Variants in ATF3 observed in about 807,000 individuals in gnomAD.
The protein encoded by ATF3 is cyclic AMP-dependent transcription factor ATF-3.
A neutral mutation model predicts 18.4 loss-of-function variants in ATF3; 10 were observed. The ratio of observed to expected loss-of-function variants is 0.54; its 90% CI spans 0.34 to 0.92. The LOEUF (loss-of-function observed/expected upper bound fraction) is 0.92, where lower values mean the gene tolerates loss of function less well. Among genes scored for constraint, ATF3 ranks in the 40% least tolerant of loss-of-function variants. ATF3 has a pLI of 0.02. For missense variants in ATF3, 183 were observed against 222.3 expected, an observed-to-expected ratio of 0.82 and a Z score of 1.12; for synonymous variants, 78 against 87.9, an observed-to-expected ratio of 0.89 and a Z score of 0.63.
rs758836964 is a variant in ATF3, at chr1:212,619,323, C to T, written c.349-35C>T. On this transcript the variant is annotated intron_variant, in intron 3 of 3. Coordinates refer to ENST00000341491, the MANE Select transcript of ATF3 (RefSeq NM_001674.4). This position sits in a 1 kb window ranked among gnomAD's most constrained non-coding sequence, Gnocchi z 4.4. ...CCACCCCCTCCTCACTGGCCCTTGG[C>T]TCCTTTCTTGATGCCTCTGTTGCTT... 6.2e-7 allele frequency: 1 copy of T among 1,612,496 alleles called. No individual in the cohort carries two copies. The highest frequency in any genetic ancestry group is 1.1e-5 in the South Asian group (1 of 90,870).
At chr1:212,610,584 A>T (rs1049572023) in intron 1 of ATF3, among the ~76,000 whole-genome samples, 1 of 152,202 alleles carries the variant, frequency 6.6e-6, no homozygotes, top group African/African-American at 2.4e-5. Flanking sequence ...TACAGCACCC[A>T]GCATCTGTGG....
rs948925946 is a variant in ATF3, at chr1:212,618,082, G to A, written c.241-45G>A. 6.3e-7 allele frequency: 1 copy of A among 1,590,822 alleles called. No individual in the cohort carries two copies. The highest frequency in any genetic ancestry group is 8.6e-7 in the Non-Finnish European group (1 of 1,159,594). On this transcript the variant is annotated intron_variant, in intron 2 of 3. Transcript: ENST00000341491. The surrounding 1 kb of genome is among the most constrained non-coding windows in gnomAD (Gnocchi z 4.4). ...AAAGGCAGTGTATTTGAGGTAGGTG[G>A]CATTTCTTACTGCCCTTTAAATGTG...
intron 1 of ATF3, among the ~76,000 whole-genome samples, chr1:212,568,753 G>A (rs1664427742): frequency 6.6e-6 from 1 of 152,118 alleles, no homozygotes; most frequent in Non-Finnish European, 1.5e-5. Context: ...ATACAGGCTA[G>A]GGCATTTCTA....
chr1:212,613,388 T>A (rs543289708), intron 1 of ATF3: 1 of 152,318 alleles, frequency 6.6e-6, no homozygotes, highest in South Asian at 2.1e-4. Flanking sequence ...ATTTGTTTGT[T>A]TTTTGCAATG....
chr1:212,617,979 A>T (rs1655204133), intron 2 of ATF3, 148 bp from the exon 3 acceptor site: 4 of 711,686 alleles, frequency 5.6e-6, no homozygotes, highest in Non-Finnish European at 9.7e-6. Flanking sequence ...GGGTTTTCAC[A>T]CAAAAGTCTA....
At chr1:212,574,444 A>G (rs1664538178) in intron 1 of ATF3, among the ~76,000 whole-genome samples, 1 of 152,018 alleles carries the variant, frequency 6.6e-6, no homozygotes, top group Non-Finnish European at 1.5e-5. Flanking sequence ...ATTTTGGTAT[A>G]TTCATCACAA....
chr1:212,615,526 C>T (rs1655085443), intron 2 of ATF3, among the ~76,000 whole-genome samples: 1 of 151,910 alleles, frequency 6.6e-6, no homozygotes, highest in Non-Finnish European at 1.5e-5. Context: ...AAAAACTTTT[C>T]AGGCCAGGCA....
chr1:212,571,123 T>C (rs926549231), intron 1 of ATF3, among the ~76,000 whole-genome samples: 10 of 152,202 alleles, frequency 6.6e-5, no homozygotes, highest in African/African-American at 2.2e-4. Context: ...TTTGTCCACA[T>C]TTGGTGTTGT....
In ATF3 at chr1:212,619,798, C is replaced by T. The variant is rs546216793; in HGVS notation, c.*243C>T. ...CAGGATTTAGGCCTTAACACACTGG[C>T]CATTCTTATGTTCCAGATGGCCCCC... is the stretch of plus-strand genomic sequence containing the variant. On this transcript the variant is annotated 3_prime_UTR_variant, in exon 4 of 4. Transcript: ENST00000341491. The surrounding 1 kb of genome is among the most constrained non-coding windows in gnomAD (Gnocchi z 4.4). The T allele has an allele frequency of 4.5e-6, 2 of 442,952 alleles. No individual in the cohort carries two copies. Among genetic ancestry groups the T allele is most frequent in the South Asian group, 2.2e-5 (1 of 45,514 alleles). 27.4% of individuals were successfully genotyped at this position (442,952 alleles called of 1,614,324 possible). A position where few individuals can be genotyped will look rare whatever the true frequency, so the allele number is the denominator to read the frequency against.
At chr1:212,572,626 G>A (rs1195036688) in intron 1 of ATF3, among the ~76,000 whole-genome samples, 1 of 152,212 alleles carries the variant, frequency 6.6e-6, no homozygotes, top group Non-Finnish European at 1.5e-5. Flanking sequence ...ATACTATTGA[G>A]ATTTTTATTG....
intron 1 of ATF3, among the ~76,000 whole-genome samples, chr1:212,600,884 A>G (rs1654464670): frequency 6.6e-6 from 1 of 152,106 alleles, no homozygotes; most frequent in Non-Finnish European, 1.5e-5. Flanking sequence ...ATACATATAT[A>G]TATAGTATAT....
intron 1 of ATF3, among the ~76,000 whole-genome samples, chr1:212,612,087 A>T (rs1025999679): frequency 6.6e-6 from 1 of 152,264 alleles, no homozygotes. Context: ...ACTAGAAAGT[A>T]TCCCGAGAAG....
chr1:212,612,718 C>T (rs1239868061), intron 1 of ATF3, among the ~76,000 whole-genome samples: 1 of 152,162 alleles, frequency 6.6e-6, no homozygotes, highest in Non-Finnish European at 1.5e-5. Context: ...TAGTCAAGGG[C>T]AGATTTCATT....
intron 1 of ATF3, among the ~76,000 whole-genome samples, chr1:212,588,032 G>A (rs1296213697): frequency 6.6e-6 from 1 of 152,122 alleles, no homozygotes; most frequent in Admixed American, 6.5e-5. Flanking sequence ...TGGGAGGTGA[G>A]TGAGAGGGAG....
At position 212,578,354 on chromosome 1, in the gene ATF3, T is replaced by G. The variant is rs555738861; in HGVS notation, c.-5+12871T>G. 2.0e-5 allele frequency among the ~76,000 whole-genome samples: 3 copies of G among 152,356 alleles called. No individual in the cohort carries two copies. The East Asian group carries it at 5.8e-4, about 29-fold the overall frequency. On this transcript the variant is annotated intron_variant, in intron 1 of 3. Coordinates refer to the ATF3 transcript ENST00000366981. ...TTATCCCTTTGTAGATAAATTCATT[T>G]AACTCTTTAATCTTTTTTAACTGAC...
Position 212,620,163 on chromosome 1 carries a change from C to T in ATF3, c.*608C>T, listed in dbSNP as rs1126526. On this transcript the variant is annotated 3_prime_UTR_variant, in exon 4 of 4. Transcript: ENST00000341491. ...TCTGGTTTCTAAGAGTTTTGGGGGGCGGGGCTGTCACCACGTGCAGTATCT... is the reference window on the plus strand; with the variant it reads ...TCTGGTTTCTAAGAGTTTTGGGGGGTGGGGCTGTCACCACGTGCAGTATCT... The T allele has an allele frequency of 0.15, 22,436 of 154,722 alleles. 1,861 individuals are homozygous for T. Among genetic ancestry groups the T allele is most frequent in the Non-Finnish European group, 0.18 (12,677 of 69,532 alleles). 9.6% of individuals were successfully genotyped at this position (154,722 alleles called of 1,614,324 possible).
At chr1:212,594,439 T>G (rs1299168295) in intron 1 of ATF3, among the ~76,000 whole-genome samples, 1 of 152,170 alleles carries the variant, frequency 6.6e-6, no homozygotes, top group East Asian at 1.9e-4. Context: ...ACCTAACAAT[T>G]TTCCAGAGTT....
In ATF3 at chr1:212,615,102, G is replaced by C. The variant is rs370091055; in HGVS notation, c.81G>C (p.Gly27=). The change falls in exon 2 of 4, where the codon GGG becomes GGC. Residue 27 remains glycine (G), a synonymous_variant. Transcript: ENST00000341491. The part of the protein sequence containing the change: ...SAIVPCLSPP[G]SLVFEDFANL... ...TCGTCCCCTGCCTGTCCCCTCCTGG[G>C]TCACTGGTGTTTGAGGATTTTGCTA... The C allele has an allele frequency of 1.7e-5, 27 of 1,614,072 alleles. No homozygotes were observed. The highest frequency in any genetic ancestry group is 2.2e-5 in the Non-Finnish European group (26 of 1,180,036).
intron 1 of ATF3, among the ~76,000 whole-genome samples, chr1:212,609,374 G>T (rs1406300037): frequency 1.4e-5 from 2 of 143,468 alleles, no homozygotes; most frequent in Non-Finnish European, 3.1e-5. Context: ...TCCTTCCCGG[G>T]TGGGGGGGGG....
Sources: allele counts gnomAD v4.1 joint callset (sites outside exome capture counted in the v4.1 genomes callset), GRCh38; gene constraint gnomAD v4.1.1; non-coding constraint Gnocchi (gnomAD v3.1); transcripts MANE v1.5; gene names NCBI Gene and HGNC (gene_info 2026-07-23, HGNC 2026-07-21).